The following PI4KB variants were observed in gnomAD, a reference collection of about 807,000 sequenced individuals.
PI4KB encodes the protein PtdIns 4-kinase beta.
A neutral mutation model predicts 81.4 loss-of-function variants in PI4KB; 23 were observed. The ratio of observed to expected loss-of-function variants is 0.28; its 90% CI spans 0.20 to 0.40. The LOEUF is 0.40. Among genes scored for constraint, PI4KB ranks in the 10% least tolerant of loss-of-function variants. The pLI, the probability that PI4KB is intolerant of heterozygous loss-of-function variation, is 1.00. For missense variants in PI4KB, 651 were observed against 1,036.6 expected (o/e 0.63, Z 5.11); for synonymous variants, 381 against 406.8 (o/e 0.94, Z 0.76).
chr1:151,304,829 C>CTT (rs768438395), intron 5 of PI4KB, among the ~76,000 whole-genome samples: 3 of 138,496 alleles, frequency 2.2e-5, no homozygotes, highest in African/African-American at 5.3e-5. Context: ...CCACACCTGG[C>CTT]TTTTTTTTTT....
At chr1:151,320,625 G>T (rs530938325) in intron 1 of PI4KB, among the ~76,000 whole-genome samples, 1 of 152,348 alleles carries the variant, frequency 6.6e-6, no homozygotes, top group Admixed American at 6.5e-5. Flanking sequence ...GGCTGCCTAT[G>T]TGGATCTGTC....
chr1:151,292,697 T>G lies in PI4KB; in HGVS notation c.*155A>C. 1 of 700,862 alleles carries G rather than the reference T, an allele frequency of 1.4e-6. No homozygotes were observed. Among genetic ancestry groups the G allele is most frequent in the South Asian group, 1.9e-5 (1 of 52,394 alleles). The allele number at this position is 700,862 out of a possible 1,614,324, so 43.4% of individuals were successfully genotyped here. ...GGCTCTCCCACCCCTCAGCAAGCTC[T>G]CGCAGTTACCACATGATCCTTCGTG... On this transcript the variant is annotated 3_prime_UTR_variant, in exon 12 of 12. Coordinates refer to ENST00000368873, the MANE Select transcript of PI4KB (RefSeq NM_001369623.2).
intron 1 of PI4KB, among the ~76,000 whole-genome samples, chr1:151,320,036 CT>C (rs920818560): frequency 4.2e-4 from 64 of 151,640 alleles, no homozygotes; most frequent in African/African-American, 1.5e-3. Flanking sequence ...GTTAAGGTTA[CT>C]TTTTTTTTCT....
chr1:151,317,729 G>A (rs1160640285), intron 1 of PI4KB, among the ~76,000 whole-genome samples: 2 of 152,114 alleles, frequency 1.3e-5, no homozygotes, highest in Non-Finnish European at 2.9e-5. Context: ...TTAAATGCCT[G>A]CTATAACCTT....
In PI4KB at chr1:151,316,984, A is replaced by G. The variant is rs566063981; in HGVS notation, c.-28-475T>C. 2.5e-4 allele frequency among the ~76,000 whole-genome samples: 38 copies of G among 151,494 alleles called. 1 individual carries two copies. The South Asian group carries it at 7.9e-3, about 32-fold the overall frequency. On this transcript the variant is annotated intron_variant, in intron 1 of 11. Coordinates refer to ENST00000368873, the MANE Select transcript of PI4KB (RefSeq NM_001369623.2). The stretch of plus-strand genomic sequence containing the variant: ...ACTATAGGCGCCCACCACAACGTCC[A>G]GCTAATTTTGTTTTGTATTTTTAGT...
chr1:151,304,880 AGT>A (rs1695624167), intron 5 of PI4KB, among the ~76,000 whole-genome samples: 1 of 150,894 alleles, frequency 6.6e-6, no homozygotes, highest in Admixed American at 6.6e-5. Flanking sequence ...CCCAGGCTGA[AGT>A]GCAGTGGCGT....
rs1158068390 is a variant in PI4KB at position 151,327,315 on chromosome 1, A to G, written c.-73T>C. 3.6e-6 allele frequency: 1 copy of G among 279,488 alleles called. No homozygotes were observed. Among genetic ancestry groups the G allele is most frequent in the African/African-American group, 2.5e-5 (1 of 39,564 alleles). The allele number at this position is 279,488 out of a possible 1,614,324, so 17.3% of individuals were successfully genotyped here. A position where few individuals can be genotyped will look rare whatever the true frequency, so the allele number is the denominator to read the frequency against. On this transcript the variant is annotated 5_prime_UTR_variant, in exon 1 of 12. Coordinates refer to ENST00000368873, the MANE Select transcript of PI4KB (RefSeq NM_001369623.2). ...AGGGGGTGCGGGCAGTCGCGGTTGG[A>G]CTGCCGACACTGCCGCCTCAGCAGC...
At chr1:151,314,356 C>T (rs956341943) in intron 2 of PI4KB, among the ~76,000 whole-genome samples, 1 of 152,194 alleles carries the variant, frequency 6.6e-6, no homozygotes, top group Non-Finnish European at 1.5e-5. Context: ...GAGGGGAGGA[C>T]TGGAGCACCA....
At chr1:151,298,610 T>G (rs1694995755) in intron 9 of PI4KB, 198 bp downstream of exon 9, 1 of 654,434 alleles carries the variant, frequency 1.5e-6, no homozygotes. Context: ...CCTTCATTTC[T>G]TTGCCCTTTT....
intron 1 of PI4KB, among the ~76,000 whole-genome samples, chr1:151,323,435 A>T (rs1333867271): frequency 6.8e-6 from 1 of 146,128 alleles, no homozygotes; most frequent in Non-Finnish European, 1.5e-5. Flanking sequence ...TAAACCTGGG[A>T]GGCGCAGGTT....
intron 11 of PI4KB, chr1:151,293,340 GC>G (rs1243582486): frequency 1.2e-5 from 17 of 1,360,926 alleles, no homozygotes; most frequent in Non-Finnish European, 1.7e-5. Flanking sequence ...GAGGGAGTGG[GC>G]CCTGAGCTGG....
At chr1:151,323,660 G>A (rs1478993402) in intron 1 of PI4KB, among the ~76,000 whole-genome samples, 2 of 152,164 alleles carry the variant, frequency 1.3e-5, no homozygotes, top group Non-Finnish European at 2.9e-5. Context: ...TGAGGCAGAG[G>A]TTGCAGTGAG....
rs1014778232 is a variant in PI4KB at position 151,312,863 on chromosome 1, T to A, written c.910-2608A>T. ...ACCTCATCTTTACAAAAAAATTTTT[T>A]AAAAATTAGCCAGGTGTGGTGGTAC... On this transcript the variant is annotated intron_variant, in intron 2 of 11. Coordinates refer to ENST00000368873, the MANE Select transcript of PI4KB (RefSeq NM_001369623.2). Among the ~76,000 whole-genome samples the A allele has an allele frequency of 2.8e-4, 43 of 152,022 alleles. 1 individual carries two copies. The highest frequency in any genetic ancestry group is 8.5e-4 in the African/African-American group (35 of 41,386).
intron 1 of PI4KB, 55 bp downstream of exon 1, chr1:151,327,216 A>AGGGGGGGGCCCCCCCCCCCCCC: frequency 9.7e-6 from 1 of 102,622 alleles, no homozygotes; most frequent in Non-Finnish European, 1.8e-5. Flanking sequence ...TGGGAGAGGG[A>AGGGGGGGGCCCCCCCCCCCCCC]CCCCCCCCCC....
chr1:151,320,127 G>A (rs1464885959), intron 1 of PI4KB, among the ~76,000 whole-genome samples: 3 of 152,142 alleles, frequency 2.0e-5, no homozygotes, highest in East Asian at 1.9e-4. Flanking sequence ...TCCGCTTCCC[G>A]GGTTCATGCC....
chr1:151,302,326 T>G (rs1392625802), intron 6 of PI4KB, 28 bp from the exon 7 acceptor site: 2 of 1,524,782 alleles, frequency 1.3e-6, no homozygotes, highest in African/African-American at 1.4e-5. Context: ...CATCATTTGC[T>G]TGGAGAAGCT....
Position 151,310,208 on chromosome 1 carries a change from TAC to T in PI4KB, c.954+1_954+2del. ...CACCCCGTCCCAGCCTGGCCCCACT[TAC>T]GGAACTGAATGAATTATCAATACTC... On this transcript the variant is annotated splice_donor_variant, in intron 3 of 11. Transcript: ENST00000368873. LOFTEE classifies it high-confidence loss of function. The T allele has an allele frequency of 6.2e-7, 1 of 1,606,876 alleles. No individual in the cohort carries two copies. Among genetic ancestry groups the T allele is most frequent in the Non-Finnish European group, 8.5e-7 (1 of 1,176,718 alleles).
chr1:151,314,209 G>T (rs1647554461), intron 2 of PI4KB, among the ~76,000 whole-genome samples: 1 of 152,218 alleles, frequency 6.6e-6, no homozygotes, highest in Admixed American at 6.5e-5. Flanking sequence ...ACGTGGGTGG[G>T]TTATATGCCC....
At chr1:151,313,440 C>T (rs1647423331) in intron 2 of PI4KB, among the ~76,000 whole-genome samples, 1 of 152,112 alleles carries the variant, frequency 6.6e-6, no homozygotes, top group Non-Finnish European at 1.5e-5. Context: ...CAAGGATCAG[C>T]AGAGTAAGAA....
Sources: gnomAD v4.1 joint callset for allele counts (sites outside exome capture counted in the v4.1 genomes callset) on GRCh38, gnomAD v4.1.1 for gene constraint, MANE v1.5 for transcripts, NCBI Gene and HGNC (gene_info 2026-07-23, HGNC 2026-07-21) for gene names.